The following ZFHX3 variants were observed in gnomAD, a reference collection of about 807,000 sequenced individuals.
The protein encoded by ZFHX3 is zinc finger homeobox protein 3.
A neutral mutation model predicts 279.1 loss-of-function variants in ZFHX3; 42 were observed. The observed-to-expected ratio is 0.15, with a 90% CI of 0.12 to 0.19. ZFHX3 has a LOEUF of 0.19. Among genes scored for constraint, ZFHX3 ranks in the 10% least tolerant of loss-of-function variants. The probability of loss-of-function intolerance (pLI) is 1.00; values close to 1 mark genes in which losing one functional copy is unlikely to be tolerated. For missense variants in ZFHX3, 4,981 were observed against 4,754.0 expected, an observed-to-expected ratio of 1.05 and a Z score of -1.40; for synonymous variants, 2,293 against 1,957.8, an observed-to-expected ratio of 1.17 and a Z score of -4.52.
At chr16:73,573,795 C>G (rs976350303) in intron 2 of ZFHX3, among the ~76,000 whole-genome samples, 1 of 152,086 alleles carries the variant, frequency 6.6e-6, no homozygotes, top group Non-Finnish European at 1.5e-5. Context: ...AATAGAAAAC[C>G]GTACACAATG....
At chr16:73,724,177 T>C (rs773771333) in intron 1 of ZFHX3, among the ~76,000 whole-genome samples, 1 of 152,190 alleles carries the variant, frequency 6.6e-6, no homozygotes, top group East Asian at 1.9e-4. Flanking sequence ...TGATAATAAA[T>C]AGTAATTCTG....
At chr16:73,785,146 C>G (rs1959606067) in intron 1 of ZFHX3, among the ~76,000 whole-genome samples, 1 of 152,106 alleles carries the variant, frequency 6.6e-6, no homozygotes, top group Non-Finnish European at 1.5e-5. Flanking sequence ...AGTTATGTAA[C>G]AGTTTTTAGT....
intron 2 of ZFHX3, among the ~76,000 whole-genome samples, chr16:73,528,266 C>G (rs2019729314): frequency 6.6e-6 from 1 of 152,208 alleles, no homozygotes; most frequent in South Asian, 2.1e-4. Context: ...GCATCATTAT[C>G]AGGCACGATT....
intron 2 of ZFHX3, among the ~76,000 whole-genome samples, chr16:73,601,072 AGT>A (rs1249212356): frequency 3.3e-5 from 5 of 152,150 alleles, no homozygotes; most frequent in Non-Finnish European, 7.4e-5. Flanking sequence ...CTGGCTTTGA[AGT>A]GTGAGAGAAC....
chr16:73,102,198 G>A (rs990585313), intron 7 of ZFHX3, among the ~76,000 whole-genome samples: 2 of 152,122 alleles, frequency 1.3e-5, no homozygotes, highest in Non-Finnish European at 2.9e-5. Context: ...ACAGGAGTGA[G>A]CCACTGTGCC....
chr16:73,516,725 G>A (rs1345084678), intron 2 of ZFHX3, among the ~76,000 whole-genome samples: 4 of 152,168 alleles, frequency 2.6e-5, no homozygotes, highest in Admixed American at 2.6e-4. Context: ...ACCCAGGAGT[G>A]CAGGAGCTCT....
intron 5 of ZFHX3, among the ~76,000 whole-genome samples, chr16:73,184,267 T>G (rs1967864737): frequency 6.6e-6 from 1 of 152,160 alleles, no homozygotes. Flanking sequence ...GGCCCACACC[T>G]CTACTTTCAG....
chr16:72,998,572 A>T (rs1963375527), intron 1 of ZFHX3, among the ~76,000 whole-genome samples: 1 of 152,180 alleles, frequency 6.6e-6, no homozygotes, highest in Non-Finnish European at 1.5e-5. Flanking sequence ...TATGTGTTCC[A>T]CACTCACAGT....
intron 2 of ZFHX3, among the ~76,000 whole-genome samples, chr16:73,567,820 C>T (rs2020471770): frequency 1.3e-5 from 2 of 152,264 alleles, no homozygotes; most frequent in South Asian, 4.2e-4. Flanking sequence ...AATAACGAGC[C>T]TTGAACAGAA....
intron 2 of ZFHX3, among the ~76,000 whole-genome samples, chr16:73,463,865 T>A (rs1470669756): frequency 6.6e-6 from 1 of 152,172 alleles, no homozygotes; most frequent in African/African-American, 2.4e-5. Context: ...CAGAAGAAAA[T>A]GGTCCGCAGT....
At chr16:73,242,205 C>T (rs9923969) in intron 5 of ZFHX3, among the ~76,000 whole-genome samples, 5,487 of 152,140 alleles carry the variant, frequency 0.036, 337 homozygotes, top group African/African-American at 0.12. Context: ...GAGTGGGGTC[C>T]AACCAGCACA....
At position 73,759,024 on chromosome 16, in the gene ZFHX3, A is replaced by C. The variant is rs561427126; in HGVS notation, c.-1607-78784T>G. On this transcript the variant is annotated intron_variant, in intron 1 of 17. Coordinates refer to the ZFHX3 transcript ENST00000641206. ...TGATACCAAAGCCTCACTGTTAACC[A>C]CTGTGCTTTCCCCTGATGCCATTGG... 2.0e-5 allele frequency among the ~76,000 whole-genome samples: 3 copies of C among 152,324 alleles called. No individual in the cohort carries two copies. In the South Asian group the frequency reaches 6.2e-4, roughly 32 times the overall value.
intron 2 of ZFHX3, among the ~76,000 whole-genome samples, chr16:73,667,014 G>A (rs932172746): frequency 2.6e-5 from 4 of 151,702 alleles, no homozygotes; most frequent in Admixed American, 6.6e-5. Flanking sequence ...TTTTTGAGAC[G>A]GGAGTCTCAC....
At chr16:73,439,909 C>CAAAAAAAAAAAAA (rs71156164) in intron 3 of ZFHX3, among the ~76,000 whole-genome samples, 58 of 75,422 alleles carry the variant, frequency 7.7e-4, no homozygotes, top group Admixed American at 2.0e-3. Context: ...GGGAGAGGGA[C>CAAAAAAAAAAAAA]AAAAAAAAAA....
chr16:73,535,912 C>T lies in ZFHX3; in HGVS notation c.-1546-79654G>A, dbSNP rs146826414. Among the ~76,000 whole-genome samples, 427 of 151,916 alleles carry T rather than the reference C, an allele frequency of 2.8e-3. 1 individual carries two copies. The highest frequency in any genetic ancestry group is 9.2e-3 in the African/African-American group (383 of 41,432). ...TAATTTTTTTTACTTTTAGTAGAGA[C>T]GGGGTTTCACCATGTTAGCCAGGAT... On this transcript the variant is annotated intron_variant, in intron 2 of 17. Coordinates refer to the ZFHX3 transcript ENST00000641206.
At chr16:72,885,420 G>C (rs1228569105) in intron 4 of ZFHX3, among the ~76,000 whole-genome samples, 1 of 152,240 alleles carries the variant, frequency 6.6e-6, no homozygotes, top group Non-Finnish European at 1.5e-5. Flanking sequence ...GGAGACCTTT[G>C]CAATTTCTTC....
intron 1 of ZFHX3, among the ~76,000 whole-genome samples, chr16:73,831,943 C>A (rs1051925893): frequency 6.6e-6 from 1 of 152,226 alleles, no homozygotes; most frequent in East Asian, 1.9e-4. Context: ...CTCTGTCACC[C>A]AGGCTGGAGT....
intron 4 of ZFHX3, among the ~76,000 whole-genome samples, chr16:72,878,065 C>T (rs1438994704): frequency 6.6e-6 from 1 of 151,924 alleles, no homozygotes; most frequent in African/African-American, 2.4e-5. Flanking sequence ...TGGTGCATGC[C>T]TGTGCTACTT....
chr16:73,633,342 T>C (rs949657532), intron 2 of ZFHX3, among the ~76,000 whole-genome samples: 5 of 152,200 alleles, frequency 3.3e-5, no homozygotes, highest in Non-Finnish European at 5.9e-5. Context: ...CAAGTCACCA[T>C]AGAAATTCTA....
Sources: gnomAD v4.1 joint callset for allele counts (sites outside exome capture counted in the v4.1 genomes callset) on GRCh38, gnomAD v4.1.1 for gene constraint, MANE v1.5 for transcripts, NCBI Gene and HGNC (gene_info 2026-07-23, HGNC 2026-07-21) for gene names.